SORCS1: variants seen among roughly 807,000 people sequenced by gnomAD.
SORCS1 encodes the protein VPS10 domain-containing receptor SorCS1.
In SORCS1, 60 loss-of-function variants were observed where a neutral mutation model predicts 146.1. The ratio of observed to expected loss-of-function variants is 0.41; its 90% confidence interval spans 0.33 to 0.51. The LOEUF (loss-of-function observed/expected upper bound fraction) is 0.51, where lower values mean the gene tolerates loss of function less well. Among genes scored for constraint, SORCS1 ranks in the 20% least tolerant of loss-of-function variants. SORCS1 has a pLI of 0.21. For synonymous variants in SORCS1, 637 were observed against 584.0 expected (o/e 1.09, Z -1.31); for missense variants, 1,352 against 1,487.6 (o/e 0.91, Z 1.50).
intron 1 of SORCS1, among the ~76,000 whole-genome samples, chr10:107,061,112 A>G (rs908534984): frequency 1.3e-5 from 2 of 152,204 alleles, no homozygotes; most frequent in Non-Finnish European, 2.9e-5. Flanking sequence ...TTAGACATAA[A>G]AATGAACCAG....
chr10:106,881,536 A>T (rs1295759150), intron 2 of SORCS1, among the ~76,000 whole-genome samples: 1 of 152,218 alleles, frequency 6.6e-6, no homozygotes, highest in South Asian at 2.1e-4. Context: ...ATTCATTAAC[A>T]TCTCTTAGTC....
At chr10:107,045,899 C>T (rs1959355526) in intron 1 of SORCS1, among the ~76,000 whole-genome samples, 1 of 151,452 alleles carries the variant, frequency 6.6e-6, no homozygotes, top group African/African-American at 2.4e-5. Flanking sequence ...TCCTTCACAC[C>T]TCAGTCTCCC....
At chr10:106,673,406 A>C (rs999796445) in intron 14 of SORCS1, among the ~76,000 whole-genome samples, 4 of 152,196 alleles carry the variant, frequency 2.6e-5, no homozygotes, top group Non-Finnish European at 4.4e-5. Flanking sequence ...GCTAGATTAC[A>C]GGTGTGAGCC....
Position 106,671,355 on chromosome 10 carries a change from T to C in SORCS1, c.2071A>G (p.Ile691Val). Residue 691 changes from isoleucine to valine, a missense_variant, in exon 16 of 26, where the codon ATC (isoleucine) becomes GTC (valine). Around this residue, in one of 3 missense-constraint regions of SORCS1, gnomAD observed 648 missense variants for 793.8 expected, o/e 0.82. Transcript: ENST00000263054. ...TTATATATCCTTTTTGCTCCCATGA[T>C]ACATGCTTCCCCCTGTAAGCAGAGA... ...WQLHSQGEACIMGAKRIYKKR... is the reference protein window; with the variant it reads ...WQLHSQGEACVMGAKRIYKKR... 6.2e-7 allele frequency: 1 copy of C among 1,614,120 alleles called. No homozygotes were observed.
chr10:106,612,815 C>A (rs965343684), intron 21 of SORCS1, among the ~76,000 whole-genome samples: 1 of 152,104 alleles, frequency 6.6e-6, no homozygotes, highest in Non-Finnish European at 1.5e-5. Context: ...CTAGGTTCTG[C>A]GCTCCTGGAT....
intron 2 of SORCS1, among the ~76,000 whole-genome samples, chr10:106,857,366 T>TC (rs1247128496): frequency 6.6e-6 from 1 of 152,118 alleles, no homozygotes; most frequent in African/African-American, 2.4e-5. Flanking sequence ...AAGCAAAGAC[T>TC]CAGGCTATAG....
intron 18 of SORCS1, among the ~76,000 whole-genome samples, chr10:106,648,093 C>G (rs1849585435): frequency 6.6e-6 from 1 of 152,106 alleles, no homozygotes; most frequent in Admixed American, 6.6e-5. Context: ...AACTCCTGGA[C>G]TCAAATGATC....
At chr10:106,684,366 C>A (rs1416415547) in intron 10 of SORCS1, among the ~76,000 whole-genome samples, 1 of 152,060 alleles carries the variant, frequency 6.6e-6, no homozygotes, top group Non-Finnish European at 1.5e-5. Flanking sequence ...AGAAAACTGC[C>A]AGATGAATCC....
At chr10:106,920,539 C>G (rs1428709286) in intron 2 of SORCS1, among the ~76,000 whole-genome samples, 1 of 152,200 alleles carries the variant, frequency 6.6e-6, no homozygotes. Flanking sequence ...CACCCTGTCC[C>G]TGAATTCCCC....
intron 1 of SORCS1, among the ~76,000 whole-genome samples, chr10:106,962,394 C>CAAAAAAAAAAAAAAAAAAAAAAAAAA (rs60616146): frequency 1.1e-4 from 7 of 62,570 alleles, no homozygotes; most frequent in East Asian, 5.6e-4. Context: ...AACTCCATCT[C>CAAAAAAAAAAAAAAAAAAAAAAAAAA]AAAAAAAAAA....
intron 5 of SORCS1, among the ~76,000 whole-genome samples, chr10:106,754,206 A>C (rs1445255934): frequency 6.6e-6 from 1 of 152,206 alleles, no homozygotes; most frequent in Non-Finnish European, 1.5e-5. Flanking sequence ...TAATGCTAGG[A>C]GTTTTTCTGG....
chr10:106,814,725 T>C (rs1028457953), intron 3 of SORCS1, among the ~76,000 whole-genome samples: 8 of 151,858 alleles, frequency 5.3e-5, no homozygotes, highest in African/African-American at 1.7e-4. Context: ...CCATCCTGGC[T>C]AACGTGGTGA....
At chr10:106,666,785 C>T (rs989884437) in intron 17 of SORCS1, among the ~76,000 whole-genome samples, 41 of 151,198 alleles carry the variant, frequency 2.7e-4, no homozygotes, top group Non-Finnish European at 4.3e-4. Context: ...AGGCTGCTCT[C>T]ACACTCCTGA....
chr10:106,843,050 C>A (rs1350193004), intron 2 of SORCS1, among the ~76,000 whole-genome samples: 1 of 152,134 alleles, frequency 6.6e-6, no homozygotes, highest in Non-Finnish European at 1.5e-5. Context: ...GAAATAATTA[C>A]CACAATCTAC....
chr10:106,736,309 C>T (rs1397026727), intron 5 of SORCS1, among the ~76,000 whole-genome samples: 2 of 152,124 alleles, frequency 1.3e-5, no homozygotes, highest in East Asian at 1.9e-4. Flanking sequence ...GATGGGATAG[C>T]ACCTATTTAT....
chr10:107,008,954 G>A (rs562577698), intron 1 of SORCS1, among the ~76,000 whole-genome samples: 49 of 152,314 alleles, frequency 3.2e-4, no homozygotes, highest in Admixed American at 5.2e-4. Context: ...CCAAGATTGC[G>A]CCACTGCACT....
chr10:106,890,659 CA>C (rs925680448), intron 2 of SORCS1, among the ~76,000 whole-genome samples: 2 of 152,148 alleles, frequency 1.3e-5, no homozygotes, highest in Non-Finnish European at 2.9e-5. Flanking sequence ...GGACTCGTCT[CA>C]ATTCTTAAGT....
At chr10:106,699,423 GAA>G in intron 8 of SORCS1, 30 bp from the exon 9 acceptor site, 2 of 1,570,644 alleles carry the variant, frequency 1.3e-6, no homozygotes, top group Non-Finnish European at 1.7e-6. Flanking sequence ...CGTGAAGAGG[GAA>G]AAAGAGTTTT....
At position 106,679,665 on chromosome 10, in the gene SORCS1, T is replaced by G; in HGVS notation, c.1630A>C (p.Lys544Gln). 1 of 1,612,842 alleles carries G rather than the reference T, an allele frequency of 6.2e-7. No individual in the cohort carries two copies. The highest frequency in any genetic ancestry group is 8.5e-7 in the Non-Finnish European group (1 of 1,179,372). ...NPYTSGIIAS[K>Q]DTAPSIIVAS... ...ACTATGATGCTTGGAGCTGTGTCTT[T>G]GCTGGCAATGATCCCTGATGTGTAG... is the stretch of plus-strand genomic sequence containing the variant. The change falls in exon 11 of 26, where the codon AAA becomes CAA. Residue 544 changes from lysine to glutamine, a missense_variant. This residue lies in a region of SORCS1 where 648 missense variants were observed against 793.8 expected (regional missense o/e 0.82). Transcript: ENST00000263054.
Sources: gnomAD v4.1 joint callset for allele counts (sites outside exome capture counted in the v4.1 genomes callset) on GRCh38, gnomAD v4.1.1 for gene constraint, gnomAD v4.1.1 regional missense constraint, MANE v1.5 for transcripts, NCBI Gene and HGNC (gene_info 2026-07-23, HGNC 2026-07-21) for gene names.